PIBF1: variants seen among roughly 807,000 people sequenced by gnomAD.
PIBF1 encodes progesterone-induced-blocking factor 1.
In PIBF1, 90 loss-of-function variants were observed where a neutral mutation model predicts 112.5. The ratio of observed to expected loss-of-function variants is 0.80; its 90% CI spans 0.67 to 0.95. PIBF1 has a LOEUF of 0.95. Ranked by LOEUF, PIBF1 falls within the 40% of genes least tolerant of loss-of-function variation. The pLI, the probability that PIBF1 is intolerant of heterozygous loss-of-function variation, is 0.00. For missense variants in PIBF1, 915 were observed against 852.3 expected, an observed-to-expected ratio of 1.07 and a Z score of -0.92; for synonymous variants, 301 against 288.6, an observed-to-expected ratio of 1.04 and a Z score of -0.44.
chr13:72,863,379 C>T (rs778957752), intron 10 of PIBF1, among the ~76,000 whole-genome samples: 11 of 151,994 alleles, frequency 7.2e-5, no homozygotes, highest in East Asian at 3.9e-4. Flanking sequence ...GGCCAGGGCG[C>T]GGTGGCTCAC....
At chr13:72,811,698 T>C (rs1186938508) in intron 5 of PIBF1, among the ~76,000 whole-genome samples, 1 of 152,184 alleles carries the variant, frequency 6.6e-6, no homozygotes, top group Non-Finnish European at 1.5e-5. Flanking sequence ...AAGAATATAA[T>C]TGAAGTCATA....
intron 5 of PIBF1, among the ~76,000 whole-genome samples, chr13:72,814,056 C>G (rs1035970783): frequency 6.6e-6 from 1 of 152,144 alleles, no homozygotes; most frequent in Non-Finnish European, 1.5e-5. Context: ...GTACAGTGTT[C>G]TGTTAAAAGA....
intron 10 of PIBF1, among the ~76,000 whole-genome samples, chr13:72,892,630 C>T (rs2040099325): frequency 6.6e-6 from 1 of 152,054 alleles, no homozygotes; most frequent in African/African-American, 2.4e-5. Context: ...CTCTGAGCCT[C>T]AGGTTCTTCA....
At chr13:72,992,062 T>C (rs1406151925) in intron 16 of PIBF1, among the ~76,000 whole-genome samples, 1 of 152,128 alleles carries the variant, frequency 6.6e-6, no homozygotes, top group Non-Finnish European at 1.5e-5. Flanking sequence ...GCACAGTGGC[T>C]CACACTTTAA....
At chr13:72,864,162 G>A (rs567640863) in intron 10 of PIBF1, among the ~76,000 whole-genome samples, 4 of 152,166 alleles carry the variant, frequency 2.6e-5, no homozygotes, top group South Asian at 2.1e-4. Flanking sequence ...TTACAATTAC[G>A]GATATATATT....
At chr13:72,863,427 G>A (rs1233393799) in intron 10 of PIBF1, among the ~76,000 whole-genome samples, 2 of 151,994 alleles carry the variant, frequency 1.3e-5, no homozygotes, top group Non-Finnish European at 2.9e-5. Flanking sequence ...CAAGGTGGGC[G>A]GATCACGAGG....
intron 10 of PIBF1, among the ~76,000 whole-genome samples, chr13:72,860,695 C>T (rs1168396890): frequency 6.6e-6 from 1 of 152,070 alleles, no homozygotes; most frequent in East Asian, 1.9e-4. Context: ...TCAAATGCCA[C>T]ATTTTTATGA....
At chr13:72,916,981 C>T in intron 12 of PIBF1, 95 bp from the exon 13 acceptor site, 1 of 666,362 alleles carries the variant, frequency 1.5e-6, no homozygotes, top group Non-Finnish European at 2.5e-6. Context: ...TTTTATCCTC[C>T]CTAATTTGTT....
intron 16 of PIBF1, among the ~76,000 whole-genome samples, chr13:72,980,104 T>C (rs907970176): frequency 6.6e-6 from 1 of 152,090 alleles, no homozygotes; most frequent in Non-Finnish European, 1.5e-5. Context: ...CAAGAAAATA[T>C]CTAAGTGGAT....
rs372056565 is a variant in PIBF1, at chr13:72,835,245, A to G, written c.1100A>G (p.Asp367Gly). ...TTGTTCCTTTTCACTCCTTGCAGAGACCATTATAAAACAGAATATGAAAAT... is the reference window on the plus strand; with the variant it reads ...TTGTTCCTTTTCACTCCTTGCAGAGGCCATTATAAAACAGAATATGAAAAT... ...EMYEKYVASR[D>G]HYKTEYENKL... is the part of the protein sequence containing the mutation. The change falls in exon 9 of 18, where the codon GAC becomes GGC. Residue 367 changes from aspartate to glycine, a missense_variant and splice_region_variant. Asp to Gly is a moderately conservative substitution (Grantham distance 94). Transcript: ENST00000326291. The G allele has an allele frequency of 3.8e-6, 6 of 1,561,234 alleles. No individual in the cohort carries two copies. In the African/African-American group the frequency reaches 8.4e-5, roughly 22 times the overall value.
intron 9 of PIBF1, among the ~76,000 whole-genome samples, chr13:72,843,247 G>A (rs921741069): frequency 6.6e-6 from 1 of 152,202 alleles, no homozygotes; most frequent in Non-Finnish European, 1.5e-5. Flanking sequence ...GCACAGCTTA[G>A]GTGATGAAAA....
chr13:73,012,824 A>G (rs1242414923), intron 17 of PIBF1, among the ~76,000 whole-genome samples: 1 of 151,988 alleles, frequency 6.6e-6, no homozygotes, highest in Non-Finnish European at 1.5e-5. Context: ...AGAATATCCA[A>G]GGACTAAAGG....
At chr13:73,005,095 A>T (rs1158602663) in intron 17 of PIBF1, among the ~76,000 whole-genome samples, 2 of 152,126 alleles carry the variant, frequency 1.3e-5, no homozygotes, top group East Asian at 3.8e-4. Context: ...GAATCACTTG[A>T]ACCTGGGAGG....
At chr13:72,947,465 G>A (rs930684412) in intron 14 of PIBF1, among the ~76,000 whole-genome samples, 1 of 152,186 alleles carries the variant, frequency 6.6e-6, no homozygotes, top group Non-Finnish European at 1.5e-5. Flanking sequence ...TTTCACCATT[G>A]TCTTGGCAAT....
At chr13:72,850,767 C>CA (rs574726893) in intron 9 of PIBF1, among the ~76,000 whole-genome samples, 15,613 of 84,326 alleles carry the variant, frequency 0.19, 1,090 homozygotes, top group Non-Finnish European at 0.23. Flanking sequence ...AGTTTGAGAA[C>CA]TTTATCTATA....
chr13:72,813,148 A>G (rs2036099478), intron 5 of PIBF1, among the ~76,000 whole-genome samples: 1 of 152,244 alleles, frequency 6.6e-6, no homozygotes, highest in Admixed American at 6.5e-5. Context: ...TCAAAGCTAA[A>G]TGAACTCCTA....
intron 16 of PIBF1, among the ~76,000 whole-genome samples, chr13:72,980,734 G>A (rs1487176830): frequency 1.3e-5 from 2 of 152,002 alleles, no homozygotes; most frequent in Non-Finnish European, 2.9e-5. Context: ...GAGCCCAGGA[G>A]GTGGAGGTTG....
rs114777001 is a variant in PIBF1 at position 72,979,960 on chromosome 13, C to T, written c.2049+6285C>T. 8.1e-3 allele frequency among the ~76,000 whole-genome samples: 1,225 copies of T among 152,094 alleles called. 14 individuals are homozygous for T. Among genetic ancestry groups the T allele is most frequent in the African/African-American group, 0.028 (1,151 of 41,502 alleles). ...AAAAGAAAATTAAGAAGCATAATCA[C>T]GGTCCTTGGTGATTTGAGTACATTA... On this transcript the variant is annotated intron_variant, in intron 16 of 17. Coordinates refer to ENST00000326291, the MANE Select transcript of PIBF1 (RefSeq NM_006346.4).
At chr13:72,989,060 C>T (rs2043391950) in intron 16 of PIBF1, among the ~76,000 whole-genome samples, 1 of 152,026 alleles carries the variant, frequency 6.6e-6, no homozygotes, top group African/African-American at 2.4e-5. Flanking sequence ...AAGAAATTAT[C>T]TGAGATCTGG....
Sources: gnomAD v4.1 joint callset for allele counts (sites outside exome capture counted in the v4.1 genomes callset) on GRCh38, gnomAD v4.1.1 for gene constraint, MANE v1.5 for transcripts, NCBI Gene and HGNC (gene_info 2026-07-23, HGNC 2026-07-21) for gene names.